Variants in DBNL observed in about 807,000 individuals in gnomAD.
DBNL encodes the protein drebrin-like protein.
In DBNL, 35 loss-of-function variants were observed where a neutral mutation model predicts 62.2. The observed-to-expected ratio is 0.56, with a 90% CI of 0.43 to 0.75. DBNL has a LOEUF of 0.75. DBNL is among the 30% of genes least tolerant of loss of function. The pLI is 0.00. For synonymous variants in DBNL, 197 were observed against 218.0 expected, an observed-to-expected ratio of 0.90 and a Z score of 0.85; for missense variants, 495 against 578.4, an observed-to-expected ratio of 0.86 and a Z score of 1.48.
At position 44,044,837 on chromosome 7, in the gene DBNL, G is replaced by T; in HGVS notation, c.83+17G>T. On this transcript the variant is annotated intron_variant, in intron 1 of 12. Coordinates refer to ENST00000448521, the MANE Select transcript of DBNL (RefSeq NM_001014436.3). ...GACCGACTGGTGGGCGGCGAGACGGGCCAGGGTCGGGCCAGGGGCTGCCTC... is the reference window on the plus strand; with the variant it reads ...GACCGACTGGTGGGCGGCGAGACGGTCCAGGGTCGGGCCAGGGGCTGCCTC... The T allele has an allele frequency of 6.9e-7, 1 of 1,455,364 alleles. No homozygotes were observed. The allele number at this position is 1,455,364 out of a possible 1,614,324, so 90.2% of individuals were successfully genotyped here. A position where few individuals can be genotyped will look rare whatever the true frequency, so the allele number is the denominator to read the frequency against.
intron 3 of DBNL, 49 bp downstream of exon 3, chr7:44,051,991 C>A: frequency 1.9e-6 from 3 of 1,554,976 alleles, no homozygotes; most frequent in South Asian, 1.1e-5. Flanking sequence ...ACCCCATTGT[C>A]TTCTTTCCTG....
At chr7:44,054,562 G>A (rs1050744059) in intron 4 of DBNL, among the ~76,000 whole-genome samples, 2 of 152,130 alleles carry the variant, frequency 1.3e-5, no homozygotes, top group African/African-American at 4.8e-5. Flanking sequence ...TTTGATACCT[G>A]TATACAATGT....
intron 4 of DBNL, among the ~76,000 whole-genome samples, chr7:44,055,624 C>T (rs914531854): frequency 3.3e-5 from 5 of 152,030 alleles, no homozygotes; most frequent in South Asian, 2.1e-4. Context: ...GATGATAGCC[C>T]GTTATGGTTT....
In DBNL at chr7:44,068,146, C is replaced by T. The variant is rs191224904; in HGVS notation, c.*7230C>T. ...ACCCTCTGTCTAGAGGAGCCATGGC[C>T]CCAAAAGCATGGGGCAACCACCTTC... On this transcript the variant is annotated 3_prime_UTR_variant, in exon 13 of 13. Transcript: ENST00000448521. 10 of 152,284 alleles carry T rather than the reference C, an allele frequency of 6.6e-5. No individual in the cohort carries two copies. Among genetic ancestry groups the T allele is most frequent in the Admixed American group, 6.5e-4 (10 of 15,302 alleles). The allele number at this position is 152,284 out of a possible 1,614,324, so 9.4% of individuals were successfully genotyped here.
At chr7:44,057,662 G>A in intron 5 of DBNL, 120 bp from the exon 6 acceptor site, 1 of 1,028,804 alleles carries the variant, frequency 9.7e-7, no homozygotes, top group Non-Finnish European at 1.5e-6. Flanking sequence ...GCCTCTGCTG[G>A]GTCCAGTCCT....
Position 44,067,505 on chromosome 7 carries a change from G to A in DBNL, c.*6589G>A, listed in dbSNP as rs2096162217. 6.6e-6 allele frequency: 1 copy of A among 152,204 alleles called. No homozygotes were observed. The highest frequency in any genetic ancestry group is 6.5e-5 in the Admixed American group (1 of 15,278). 9.4% of individuals were successfully genotyped at this position (152,204 alleles called of 1,614,324 possible). A position where few individuals can be genotyped will look rare whatever the true frequency, so the allele number is the denominator to read the frequency against. On this transcript the variant is annotated 3_prime_UTR_variant, in exon 13 of 13. Coordinates refer to ENST00000448521, the MANE Select transcript of DBNL (RefSeq NM_001014436.3). The stretch of plus-strand genomic sequence containing the variant: ...AGCAGGAGGTGTCAAAAAGGAAAGG[G>A]GAGCCCAAAGAAGGGCTGGACTTCG...
chr7:44,056,894 G>T lies in DBNL; in HGVS notation c.465G>T (p.Gln155His). 1 of 1,613,948 alleles carries T rather than the reference G, an allele frequency of 6.2e-7. No homozygotes were observed. Among genetic ancestry groups the T allele is most frequent in the Non-Finnish European group, 8.5e-7 (1 of 1,180,016 alleles). The change falls in exon 5 of 13, where the codon CAG (glutamine) becomes CAT (histidine). Residue 155 changes from glutamine to histidine, a missense_variant. Gln to His is a conservative substitution (Grantham distance 24). Coordinates refer to ENST00000448521, the MANE Select transcript of DBNL (RefSeq NM_001014436.3). Reference protein sequence around the residue: ...ESGRFQDVGPQAPVGSVYQKT... With the variant: ...ESGRFQDVGPHAPVGSVYQKT... ...GCCGCTTCCAGGACGTGGGACCCCA[G>T]GCCCCAGTGGTGAGTGCTGCTTGCC...
Position 44,059,672 on chromosome 7 carries a change from C to A in DBNL, c.1047+14C>A. The A allele has an allele frequency of 6.3e-7, 1 of 1,584,890 alleles. No homozygotes were observed. The highest frequency in any genetic ancestry group is 8.5e-7 in the Non-Finnish European group (1 of 1,171,122). ...CAGCCCCCACTGGTGGGTTCCTACA[C>A]TGGGGCTGGGGCCAGGAAGGGGCTG... On this transcript the variant is annotated intron_variant, in intron 11 of 12. Coordinates refer to ENST00000448521, the MANE Select transcript of DBNL (RefSeq NM_001014436.3). The surrounding 1 kb of genome is among the most constrained non-coding windows in gnomAD (Gnocchi z 4.1).
At position 44,064,793 on chromosome 7, in the gene DBNL, G is replaced by GCCCC; in HGVS notation, c.*3880_*3881insCCCC. On this transcript the variant is annotated 3_prime_UTR_variant, in exon 13 of 13. Coordinates refer to ENST00000448521, the MANE Select transcript of DBNL (RefSeq NM_001014436.3). ...AGATGAGAAGCCAGCTGGGGCTGCT[G>GCCCC]CCCACCCACCCTGCCCAGGCTCCTG... The GCCCC allele has an allele frequency of 1.1e-5, 12 of 1,136,952 alleles. No homozygotes were observed. Among genetic ancestry groups the GCCCC allele is most frequent in the East Asian group, 5.0e-5 (2 of 40,034 alleles). 70.4% of individuals were successfully genotyped at this position (1,136,952 alleles called of 1,614,324 possible).
rs1188141243 is a variant in DBNL at position 44,062,993 on chromosome 7, CTA to C, written c.*2079_*2080del. 1 of 1,550,146 alleles carries C rather than the reference CTA, an allele frequency of 6.5e-7. No homozygotes were observed. Among genetic ancestry groups the C allele is most frequent in the South Asian group, 1.1e-5 (1 of 89,680 alleles). On this transcript the variant is annotated 3_prime_UTR_variant, in exon 13 of 13. Coordinates refer to ENST00000448521, the MANE Select transcript of DBNL (RefSeq NM_001014436.3). ...CCCCAGCCTGTTTACACAGCAGACA[CTA>C]TGTGACCTTTATGGTCCACAGAGCC...
At position 44,065,157 on chromosome 7, in the gene DBNL, G is replaced by T. The variant is rs751980210; in HGVS notation, c.*4241G>T. 1.2e-6 allele frequency: 2 copies of T among 1,614,090 alleles called. No individual in the cohort carries two copies. Among genetic ancestry groups the T allele is most frequent in the Admixed American group, 1.7e-5 (1 of 60,030 alleles). On this transcript the variant is annotated 3_prime_UTR_variant, in exon 13 of 13. Transcript: ENST00000448521. ...TAGTAGGGGTGCTTCTCGTCCATCGGGGGCGGCGGGATGTCGAAGGAGCGC... is the reference window on the plus strand; with the variant it reads ...TAGTAGGGGTGCTTCTCGTCCATCGTGGGCGGCGGGATGTCGAAGGAGCGC...
chr7:44,056,987 G>C, intron 5 of DBNL, 84 bp downstream of exon 5: 1 of 1,576,772 alleles, frequency 6.3e-7, no homozygotes, highest in Non-Finnish European at 8.6e-7. Flanking sequence ...CCCAGCACCC[G>C]GGCTGGCTGG....
chr7:44,057,788 G>T lies in DBNL; in HGVS notation c.481G>T (p.Val161Leu). 6.2e-7 allele frequency: 1 copy of T among 1,614,210 alleles called. No homozygotes were observed. Among genetic ancestry groups the T allele is most frequent in the Non-Finnish European group, 8.5e-7 (1 of 1,180,036 alleles). ...DVGPQAPVGS[V>L]YQKTNAVSEI... ...TGAGTGCTGTCCCCTACAGGGCTCTGTGTACCAGAAGACCAATGCCGTGTC... is the reference window on the plus strand; with the variant it reads ...TGAGTGCTGTCCCCTACAGGGCTCTTTGTACCAGAAGACCAATGCCGTGTC... Residue 161 changes from valine to leucine, a missense_variant, in exon 6 of 13, where the codon GTG (valine) becomes TTG (leucine). Physicochemically the swap from Val to Leu is conservative, Grantham distance 32 (BLOSUM62 1). Coordinates refer to ENST00000448521, the MANE Select transcript of DBNL (RefSeq NM_001014436.3).
chr7:44,067,977 C>A lies in DBNL; in HGVS notation c.*7061C>A, dbSNP rs184759458. ...CAGAGGAGTGGGATGTGAAGCCCCTCGAAGTCAGTGAGTTGGGGGAATCCC... is the reference window on the plus strand; with the variant it reads ...CAGAGGAGTGGGATGTGAAGCCCCTAGAAGTCAGTGAGTTGGGGGAATCCC... On this transcript the variant is annotated 3_prime_UTR_variant, in exon 13 of 13. Transcript: ENST00000448521. 1 of 152,122 alleles carries A rather than the reference C, an allele frequency of 6.6e-6. No homozygotes were observed. The highest frequency in any genetic ancestry group is 2.4e-5 in the African/African-American group (1 of 41,412). The allele number at this position is 152,122 out of a possible 1,614,324, so 9.4% of individuals were successfully genotyped here.
rs929890150 is a variant in DBNL, at chr7:44,059,949, C to A, written c.1048-99C>A. The A allele has an allele frequency of 1.3e-5, 16 of 1,232,350 alleles. No homozygotes were observed. The highest frequency in any genetic ancestry group is 1.6e-5 in the Non-Finnish European group (14 of 866,674). The allele number at this position is 1,232,350 out of a possible 1,614,324, so 76.3% of individuals were successfully genotyped here. A position where few individuals can be genotyped will look rare whatever the true frequency, so the allele number is the denominator to read the frequency against. ...GCCCCCGAGCCTGTAGACTGCTTGCCCTCTGCGTACTCCCAGCTTGACCTG... is the reference window on the plus strand; with the variant it reads ...GCCCCCGAGCCTGTAGACTGCTTGCACTCTGCGTACTCCCAGCTTGACCTG... On this transcript the variant is annotated intron_variant, in intron 11 of 12. Transcript: ENST00000448521. The surrounding 1 kb of genome is among the most constrained non-coding windows in gnomAD (Gnocchi z 4.1).
rs1279915046 is a variant in DBNL at position 44,065,279 on chromosome 7, G to C, written c.*4363G>C. 33 of 1,613,584 alleles carry C rather than the reference G, an allele frequency of 2.0e-5. No individual in the cohort carries two copies. Among genetic ancestry groups the C allele is most frequent in the Non-Finnish European group, 2.8e-5 (33 of 1,180,052 alleles). ...GTAATGCCGCTCATTGAGGCGCCAA[G>C]TGCGCACCACAGGCAGCCACATCTG... On this transcript the variant is annotated 3_prime_UTR_variant, in exon 13 of 13. Transcript: ENST00000448521.
rs370249217 is a variant in DBNL at position 44,058,219 on chromosome 7, C to G, written c.643C>G (p.Arg215Gly). Residue 215 changes from arginine (R) to glycine (G), a missense_variant, in exon 7 of 13, where the codon CGT becomes GGT. Physicochemically the swap from Arg to Gly is moderately radical, Grantham distance 125 (BLOSUM62 -2). Coordinates refer to ENST00000448521, the MANE Select transcript of DBNL (RefSeq NM_001014436.3). ...GCAGGAGCGCCGGGAGCGTGAGCTG[C>G]GTGAGGCTGCACGCCGGGAGCAGCG... Reference protein sequence around the residue: ...LEQERRERELREAARREQRYQ... With the variant: ...LEQERRERELGEAARREQRYQ... 2 of 1,569,930 alleles carry G rather than the reference C, an allele frequency of 1.3e-6. No homozygotes were observed. Among genetic ancestry groups the G allele is most frequent in the Middle Eastern group, 1.9e-4 (1 of 5,310 alleles).
At chr7:44,058,097 T>C (rs6968228) in intron 6 of DBNL, 32 bp from the exon 7 acceptor site, 991,197 of 1,550,026 alleles carry the variant, frequency 0.64, 319,184 homozygotes, top group East Asian at 0.79. Context: ...AGTGGCAGCA[T>C]AGGGCTGAGC....
Position 44,060,509 on chromosome 7 carries a change from G to T in DBNL, c.1154-268G>T, listed in dbSNP as rs1194800254. Among the ~76,000 whole-genome samples the T allele has an allele frequency of 6.6e-6, 1 of 152,144 alleles. No individual in the cohort carries two copies. Among genetic ancestry groups the T allele is most frequent in the Non-Finnish European group, 1.5e-5 (1 of 68,006 alleles). On this transcript the variant is annotated intron_variant, in intron 12 of 12. Coordinates refer to ENST00000448521, the MANE Select transcript of DBNL (RefSeq NM_001014436.3). The surrounding 1 kb of genome is among the most constrained non-coding windows in gnomAD (Gnocchi z 6.3). ...GGAGGCCTTGGAGAATGGGGTGGAGGCCCCCTACGGAGCAGGCTGGTGTCT... is the reference window on the plus strand; with the variant it reads ...GGAGGCCTTGGAGAATGGGGTGGAGTCCCCCTACGGAGCAGGCTGGTGTCT...
Sources: allele counts gnomAD v4.1 joint callset (sites outside exome capture counted in the v4.1 genomes callset), GRCh38; gene constraint gnomAD v4.1.1; non-coding constraint Gnocchi (gnomAD v3.1); transcripts MANE v1.5; gene names NCBI Gene and HGNC (gene_info 2026-07-23, HGNC 2026-07-21).